The following RTF1 variants were observed in gnomAD, a reference collection of about 807,000 sequenced individuals.
The protein encoded by RTF1 is RNA polymerase-associated protein RTF1 homolog.
Under a neutral mutation model 95.7 loss-of-function variants are expected in RTF1, and 10 were observed. That is an observed-to-expected ratio of 0.10 (90% confidence interval 0.06 to 0.18). The LOEUF is 0.18. Ranked by LOEUF, RTF1 falls within the 10% of genes least tolerant of loss-of-function variation. The pLI is 1.00. For synonymous variants in RTF1, 305 were observed against 311.8 expected (o/e 0.98, Z 0.23); for missense variants, 458 against 875.6 (o/e 0.52, Z 6.02).
intron 1 of RTF1, among the ~76,000 whole-genome samples, chr15:41,437,412 T>C (rs752007934): frequency 6.7e-6 from 1 of 148,636 alleles, no homozygotes; most frequent in Non-Finnish European, 1.5e-5. Flanking sequence ...AGGAGAATGG[T>C]GTGAACCCGG....
At chr15:41,479,259 G>T in intron 16 of RTF1, 61 bp downstream of exon 16, 1 of 1,186,626 alleles carries the variant, frequency 8.4e-7, no homozygotes, top group Non-Finnish European at 1.3e-6. Context: ...TACCGAACAA[G>T]TACCTTGTCT....
At chr15:41,468,410 TG>T (rs1398980327) in intron 6 of RTF1, among the ~76,000 whole-genome samples, 1 of 151,686 alleles carries the variant, frequency 6.6e-6, no homozygotes, top group East Asian at 2.0e-4. Context: ...CTCCGCCTCC[TG>T]GGTTCACACC....
In RTF1 at chr15:41,477,230, G is replaced by A. The variant is rs1566850188; in HGVS notation, c.1626G>A (p.Leu542=). ...AKQIQDQLNE[L]EERAEALDRQ... Reference sequence around the variant, plus strand: ...AAATCCAAGATCAACTGAATGAGCTGGAGGAACGGGCAGAGGCCCTGGACC... The same window carrying A: ...AAATCCAAGATCAACTGAATGAGCTAGAGGAACGGGCAGAGGCCCTGGACC... The change falls in exon 13 of 18, where the codon CTG becomes CTA. Residue 542 remains leucine, a synonymous_variant. Coordinates refer to ENST00000389629, the MANE Select transcript of RTF1 (RefSeq NM_015138.5). 6.2e-7 allele frequency: 1 copy of A among 1,614,142 alleles called. No homozygotes were observed. Among genetic ancestry groups the A allele is most frequent in the Non-Finnish European group, 8.5e-7 (1 of 1,180,050 alleles).
At chr15:41,474,105 G>A (rs943179226) in intron 8 of RTF1, among the ~76,000 whole-genome samples, 6 of 152,058 alleles carry the variant, frequency 3.9e-5, no homozygotes, top group African/African-American at 1.4e-4. Context: ...TCAAATTCCT[G>A]GCTTCAAGTA....
At chr15:41,423,962 A>G (rs1010181007) in intron 1 of RTF1, among the ~76,000 whole-genome samples, 2 of 152,164 alleles carry the variant, frequency 1.3e-5, no homozygotes, top group Non-Finnish European at 2.9e-5. Context: ...CATGTTGGCC[A>G]GGCTGGTCTC....
intron 2 of RTF1, among the ~76,000 whole-genome samples, chr15:41,442,194 GTCTC>G (rs1012148851): frequency 6.7e-6 from 1 of 148,712 alleles, no homozygotes; most frequent in Non-Finnish European, 1.5e-5. Flanking sequence ...TTGAGATGGA[GTCTC>G]TCTCTGTTGC....
rs185488252 is a variant in RTF1, at chr15:41,472,903, G to A, written c.1203+1554G>A. ...TTTTTAGTGGAGATGGGGTTTCACC[G>A]TGTTAGCCAGGATGGTCTTGATCTC... On this transcript the variant is annotated intron_variant, in intron 8 of 17. Transcript: ENST00000389629. 5.3e-5 allele frequency among the ~76,000 whole-genome samples: 8 copies of A among 151,354 alleles called. No homozygotes were observed. In the South Asian group the frequency reaches 6.3e-4, roughly 12 times the overall value.
At chr15:41,418,041 A>G (rs1452240648) in intron 1 of RTF1, among the ~76,000 whole-genome samples, 1 of 152,162 alleles carries the variant, frequency 6.6e-6, no homozygotes, top group Non-Finnish European at 1.5e-5. Context: ...TGGCCCTTTC[A>G]CGCAGCATCC....
At chr15:41,435,716 C>T (rs2050698289) in intron 1 of RTF1, among the ~76,000 whole-genome samples, 1 of 152,116 alleles carries the variant, frequency 6.6e-6, no homozygotes, top group South Asian at 2.1e-4. Context: ...GGAGGATATA[C>T]TCCTAAAATA....
In RTF1 at chr15:41,483,287, C is replaced by T. The variant is rs1023104268; in HGVS notation, c.*2600C>T. On this transcript the variant is annotated 3_prime_UTR_variant, in exon 18 of 18. Transcript: ENST00000389629. ...GAATTCCCTCATTGGGCCCCTCCTC[C>T]CTCCACAGTGTGGTTTCAGTGTTGA... 6.6e-6 allele frequency: 1 copy of T among 152,624 alleles called. No individual in the cohort carries two copies. The highest frequency in any genetic ancestry group is 1.5e-5 in the Non-Finnish European group (1 of 68,052). 9.5% of individuals were successfully genotyped at this position (152,624 alleles called of 1,614,324 possible).
chr15:41,465,141 C>T lies in RTF1; in HGVS notation c.777+256C>T, dbSNP rs1283258678. On this transcript the variant is annotated intron_variant, in intron 5 of 17. Coordinates refer to ENST00000389629, the MANE Select transcript of RTF1 (RefSeq NM_015138.5). The stretch of plus-strand genomic sequence containing the variant: ...TTTCTTTTTCCCTTTTCTTCCCCTC[C>T]CTTCCTCCTTCCCCCTTCCCTTCCT... 4.0e-5 allele frequency among the ~76,000 whole-genome samples: 6 copies of T among 150,924 alleles called. No homozygotes were observed. In the East Asian group the frequency reaches 1.2e-3, roughly 29 times the overall value.
intron 1 of RTF1, among the ~76,000 whole-genome samples, chr15:41,432,483 C>T (rs528707637): frequency 5.9e-5 from 9 of 152,018 alleles, no homozygotes; most frequent in African/African-American, 9.6e-5. Context: ...AGGCGTGAGC[C>T]ACTGCGCCCG....
chr15:41,421,434 A>C (rs28368798), intron 1 of RTF1, among the ~76,000 whole-genome samples: 150,534 of 150,682 alleles, frequency 1, 75,193 homozygotes, highest in Middle Eastern at 1. Context: ...CCAGCCTGGG[A>C]AACAAGAGTG....
intron 4 of RTF1, 81 bp downstream of exon 4, chr15:41,457,957 C>T: frequency 1.8e-6 from 2 of 1,088,382 alleles, no homozygotes; most frequent in Non-Finnish European, 2.7e-6. Context: ...CTGTCCTTCA[C>T]ACCTGACCTA....
intron 6 of RTF1, among the ~76,000 whole-genome samples, chr15:41,468,905 A>G (rs2140649640): frequency 6.6e-6 from 1 of 152,234 alleles, no homozygotes; most frequent in Middle Eastern, 3.4e-3. Flanking sequence ...TGAACTCATC[A>G]TTTTTAACGT....
chr15:41,429,343 C>T (rs950655412), intron 1 of RTF1, among the ~76,000 whole-genome samples: 6 of 152,166 alleles, frequency 3.9e-5, no homozygotes, highest in African/African-American at 1.4e-4. Context: ...CCTGTGGCTA[C>T]TTGTTTAATG....
intron 1 of RTF1, among the ~76,000 whole-genome samples, chr15:41,430,138 G>A (rs2050661660): frequency 6.8e-6 from 1 of 147,302 alleles, no homozygotes; most frequent in Non-Finnish European, 1.5e-5. Context: ...TTCGTGAGTA[G>A]CTGGGATTAC....
chr15:41,461,578 C>T (rs1315110400), intron 4 of RTF1, among the ~76,000 whole-genome samples: 6 of 151,824 alleles, frequency 4.0e-5, no homozygotes, highest in Admixed American at 1.3e-4. Context: ...CTGCAAGCTC[C>T]GCTTCCCGGG....
At chr15:41,434,000 C>T (rs2050689179) in intron 1 of RTF1, among the ~76,000 whole-genome samples, 1 of 152,020 alleles carries the variant, frequency 6.6e-6, no homozygotes, top group Non-Finnish European at 1.5e-5. Context: ...CATGCACCAC[C>T]ACGCACAGCT....
Sources: gnomAD v4.1 joint callset for allele counts (sites outside exome capture counted in the v4.1 genomes callset) on GRCh38, gnomAD v4.1.1 for gene constraint, MANE v1.5 for transcripts, NCBI Gene and HGNC (gene_info 2026-07-23, HGNC 2026-07-21) for gene names.